ANO1: variants seen among roughly 807,000 people sequenced by gnomAD.
The protein encoded by ANO1 is anoctamin-1.
ANO1 carries 59 observed loss-of-function variants against 124.0 expected under a neutral mutation model. The observed-to-expected ratio is 0.48, with a 90% CI of 0.39 to 0.59. The LOEUF (loss-of-function observed/expected upper bound fraction) is 0.59, where lower values mean the gene tolerates loss of function less well. Ranked by LOEUF, ANO1 falls within the 20% of genes least tolerant of loss-of-function variation. The pLI is 0.00. For missense variants in ANO1, 1,059 were observed against 1,328.0 expected, an observed-to-expected ratio of 0.80 and a Z score of 3.15; for synonymous variants, 529 against 532.0, an observed-to-expected ratio of 0.99 and a Z score of 0.08.
chr11:70,001,385 A>G (rs1227725627), intron 1 of ANO1, among the ~76,000 whole-genome samples: 1 of 152,150 alleles, frequency 6.6e-6, no homozygotes, highest in African/African-American at 2.4e-5. Context: ...CCCCAGCAGC[A>G]TTGTTCATGA....
intron 3 of ANO1, 24 bp downstream of exon 3, chr11:70,103,188 G>T (rs533882928): frequency 6.3e-7 from 1 of 1,582,592 alleles, no homozygotes; most frequent in Non-Finnish European, 8.6e-7. Flanking sequence ...GTCCTGCTCC[G>T]AAATGAATCG....
chr11:70,153,046 T>A lies in ANO1; in HGVS notation c.1354-11T>A. On this transcript the variant is annotated splice_polypyrimidine_tract_variant and intron_variant, in intron 13 of 25. Transcript: ENST00000355303. ...AACAAGGACTCTGTCTTGACTTGGT[T>A]TCATTCACAGGATCATCCTAGAGCT... The A allele has an allele frequency of 6.3e-7, 1 of 1,599,166 alleles. No homozygotes were observed. The highest frequency in any genetic ancestry group is 8.5e-7 in the Non-Finnish European group (1 of 1,172,742).
At chr11:70,050,085 G>A (rs1555006147) in intron 1 of ANO1, among the ~76,000 whole-genome samples, 1 of 152,188 alleles carries the variant, frequency 6.6e-6, no homozygotes, top group East Asian at 1.9e-4. Flanking sequence ...TTCCATCCCT[G>A]GAGATGACAG....
At chr11:70,172,265 C>T (rs1475030254) in intron 22 of ANO1, among the ~76,000 whole-genome samples, 3 of 152,024 alleles carry the variant, frequency 2.0e-5, no homozygotes, top group African/African-American at 4.8e-5. Flanking sequence ...GACGATCTGT[C>T]CAGGAGGGTG....
intron 1 of ANO1, among the ~76,000 whole-genome samples, chr11:70,061,772 T>C (rs2135112937): frequency 6.6e-6 from 1 of 152,252 alleles, no homozygotes; most frequent in South Asian, 2.1e-4. Context: ...ATGCCTTAGA[T>C]GGTTGTACAC....
At chr11:69,977,907 G>T in the ANO1 span, among the ~76,000 whole-genome samples, 1 of 152,222 alleles carries the variant, frequency 6.6e-6, no homozygotes, top group Non-Finnish European at 1.5e-5. Flanking sequence ...TCCAAAGCGG[G>T]GTTTTGTGAA....
At chr11:69,968,061 G>T in the ANO1 span, among the ~76,000 whole-genome samples, 96 of 152,282 alleles carry the variant, frequency 6.3e-4, no homozygotes, top group Non-Finnish European at 8.4e-4. Context: ...AGACTTTGGG[G>T]TCCACTATAT....
At chr11:70,045,505 T>C (rs1857245984) in intron 1 of ANO1, among the ~76,000 whole-genome samples, 2 of 152,196 alleles carry the variant, frequency 1.3e-5, no homozygotes, top group African/African-American at 2.4e-5. Flanking sequence ...ATTCTATGAT[T>C]GGTGACATTA....
intron 1 of ANO1, among the ~76,000 whole-genome samples, chr11:70,045,774 G>C (rs1857251411): frequency 6.6e-6 from 1 of 152,182 alleles, no homozygotes; most frequent in South Asian, 2.1e-4. Context: ...AACCATACTG[G>C]CTTCAGACCA....
the ANO1 span, among the ~76,000 whole-genome samples, chr11:69,971,580 T>A: frequency 6.6e-6 from 1 of 152,194 alleles, no homozygotes; most frequent in African/African-American, 2.4e-5. Flanking sequence ...CCTCCCTTCC[T>A]TCTTGTTTGT....
chr11:70,091,449 C>G (rs1202082960), intron 2 of ANO1, among the ~76,000 whole-genome samples: 1 of 152,166 alleles, frequency 6.6e-6, no homozygotes, highest in Non-Finnish European at 1.5e-5. Flanking sequence ...CTCTACCTGG[C>G]CAGTAGCACC....
Position 70,090,369 on chromosome 11 carries a change from C to A in ANO1, c.441+2285C>A, listed in dbSNP as rs115747731. 1.7e-3 allele frequency among the ~76,000 whole-genome samples: 252 copies of A among 152,314 alleles called. 1 individual carries two copies. Among genetic ancestry groups the A allele is most frequent in the African/African-American group, 5.6e-3 (234 of 41,566 alleles). On this transcript the variant is annotated intron_variant, in intron 2 of 25. Transcript: ENST00000355303. ...CCTGACTACAACTTTGAGATCTTAACGCTCAACAGGAACTTCTGGGGTCTA... is the reference window on the plus strand; with the variant it reads ...CCTGACTACAACTTTGAGATCTTAAAGCTCAACAGGAACTTCTGGGGTCTA...
intron 1 of ANO1, among the ~76,000 whole-genome samples, chr11:70,086,344 T>C (rs2515284): frequency 0.91 from 138,678 of 152,290 alleles, 63,198 homozygotes; most frequent in Middle Eastern, 0.92. Flanking sequence ...GCTTTAGCAA[T>C]GGTCCCATCA....
the ANO1 span, among the ~76,000 whole-genome samples, chr11:69,978,239 C>T: frequency 1.8e-3 from 272 of 152,304 alleles, 7 homozygotes; most frequent in East Asian, 0.05. Context: ...CACCTCGGGT[C>T]CGACGAAAAC....
intron 11 of ANO1, among the ~76,000 whole-genome samples, chr11:70,147,813 C>T (rs1162337393): frequency 6.6e-6 from 1 of 152,206 alleles, no homozygotes; most frequent in Non-Finnish European, 1.5e-5. Context: ...GCACCTCCTA[C>T]TGTCCTGCCA....
chr11:70,075,190 C>G (rs1397419592), upstream of ANO1: 1 of 152,148 alleles, frequency 6.6e-6, no homozygotes, highest in African/African-American at 2.4e-5. Context: ...TTGGCCCGTG[C>G]TCTGAGGTAT....
At chr11:70,170,383 G>C (rs1590913856) in intron 21 of ANO1, among the ~76,000 whole-genome samples, 1 of 152,348 alleles carries the variant, frequency 6.6e-6, no homozygotes, top group South Asian at 2.1e-4. Context: ...CTTGAGCTCA[G>C]GAGTTTGAGA....
chr11:70,169,722 A>G (rs1467778414), intron 21 of ANO1, among the ~76,000 whole-genome samples: 1 of 152,068 alleles, frequency 6.6e-6, no homozygotes, highest in Non-Finnish European at 1.5e-5. Flanking sequence ...CAGCCCAGGG[A>G]GAGAACTTGC....
chr11:69,980,625 A>T, the ANO1 span, among the ~76,000 whole-genome samples: 2 of 152,120 alleles, frequency 1.3e-5, no homozygotes, highest in African/African-American at 4.8e-5. Context: ...TCTCAAAAAA[A>T]AAACAAAAAA....
Sources: gnomAD v4.1 joint callset for allele counts (sites outside exome capture counted in the v4.1 genomes callset) on GRCh38, gnomAD v4.1.1 for gene constraint, MANE v1.5 for transcripts, NCBI Gene and HGNC (gene_info 2026-07-23, HGNC 2026-07-21) for gene names.